Variants in RXRA observed in about 807,000 individuals in gnomAD.
RXRA encodes retinoid X receptor alpha.
Under a neutral mutation model 44.5 loss-of-function variants are expected in RXRA, and 5 were observed. The observed-to-expected ratio is 0.11, with a 90% CI of 0.06 to 0.24. The LOEUF (loss-of-function observed/expected upper bound fraction) is 0.24. Ranked by LOEUF, RXRA falls within the 10% of genes least tolerant of loss-of-function variation. The pLI is 1.00. For synonymous variants in RXRA, 291 were observed against 271.4 expected (o/e 1.07, Z -0.71); for missense variants, 412 against 646.5 (o/e 0.64, Z 3.93).
intron 1 of RXRA, among the ~76,000 whole-genome samples, chr9:134,328,839 C>T (rs1554746316): frequency 6.6e-6 from 1 of 152,278 alleles, no homozygotes; most frequent in South Asian, 2.1e-4. Context: ...TTCCTCCTCC[C>T]AGCATTCACT....
intron 4 of RXRA, among the ~76,000 whole-genome samples, chr9:134,415,679 A>G (rs970191727): frequency 2.0e-5 from 3 of 152,100 alleles, no homozygotes; most frequent in Non-Finnish European, 2.9e-5. Flanking sequence ...CAGGAGGAGA[A>G]GGGGCCTGGG....
At chr9:134,387,994 T>C (rs947949230) in intron 1 of RXRA, among the ~76,000 whole-genome samples, 11 of 152,166 alleles carry the variant, frequency 7.2e-5, no homozygotes, top group African/African-American at 2.7e-4. Flanking sequence ...CGGCAGCTCT[T>C]CCTGGAGGGC....
intron 2 of RXRA, 39 bp downstream of exon 2, chr9:134,401,921 T>G: frequency 1.4e-6 from 2 of 1,462,452 alleles, no homozygotes. Flanking sequence ...GGGTGGGGCC[T>G]GGGGTGGGGC....
intron 1 of RXRA, among the ~76,000 whole-genome samples, chr9:134,359,820 C>G (rs1392936558): frequency 6.6e-6 from 1 of 152,184 alleles, no homozygotes; most frequent in Non-Finnish European, 1.5e-5. Context: ...GCTCTGGGCC[C>G]TGGTCCCAGC....
intron 1 of RXRA, among the ~76,000 whole-genome samples, chr9:134,397,986 A>AT (rs1172000328): frequency 4.2e-4 from 63 of 149,336 alleles, no homozygotes; most frequent in Admixed American, 1.8e-3. Flanking sequence ...TTTATTTTTT[A>AT]TTTTTTTTTT....
At chr9:134,383,674 C>A (rs1830679009) in intron 1 of RXRA, among the ~76,000 whole-genome samples, 1 of 152,180 alleles carries the variant, frequency 6.6e-6, no homozygotes, top group Admixed American at 6.5e-5. Context: ...CAGCTGACCA[C>A]CAGCCACAGC....
Position 134,343,448 on chromosome 9 carries a change from G to A in RXRA, c.28+16789G>A, listed in dbSNP as rs539497894. ...TCCTGCAGCCCCTGGAATAGGGGGC[G>A]CTCAGTGTAGGGCAAAGGAACGTGA... On this transcript the variant is annotated intron_variant, in intron 1 of 9. Coordinates refer to ENST00000481739, the MANE Select transcript of RXRA (RefSeq NM_002957.6). This position sits in a 1 kb window ranked among gnomAD's most constrained non-coding sequence, Gnocchi z 4.1. Among the ~76,000 whole-genome samples, 209 of 152,234 alleles carry A rather than the reference G, an allele frequency of 1.4e-3. 2 individuals are homozygous for A. The highest frequency in any genetic ancestry group is 4.7e-3 in the African/African-American group (194 of 41,522).
At chr9:134,435,702 C>T (rs914676941) in intron 9 of RXRA, among the ~76,000 whole-genome samples, 1 of 152,162 alleles carries the variant, frequency 6.6e-6, no homozygotes, top group Non-Finnish European at 1.5e-5. Flanking sequence ...CCGCCTGATG[C>T]TCTTTGACTT....
intron 1 of RXRA, among the ~76,000 whole-genome samples, chr9:134,333,019 G>C (rs1554746863): frequency 6.6e-6 from 1 of 152,202 alleles, no homozygotes; most frequent in East Asian, 1.9e-4. Context: ...CCTGGCTCCG[G>C]CCCCCCCTGC....
At chr9:134,364,684 AC>A (rs1210429368) in intron 1 of RXRA, among the ~76,000 whole-genome samples, 1 of 151,710 alleles carries the variant, frequency 6.6e-6, no homozygotes, top group Non-Finnish European at 1.5e-5. Flanking sequence ...AGCTCCCCAC[AC>A]CCCCTAAGCT....
At chr9:134,391,779 C>T (rs1359705691) in intron 1 of RXRA, among the ~76,000 whole-genome samples, 1 of 152,168 alleles carries the variant, frequency 6.6e-6, no homozygotes. Context: ...CGAGGGGTGG[C>T]CAAGGGGTGG....
At chr9:134,359,660 C>T (rs1350307244) in intron 1 of RXRA, among the ~76,000 whole-genome samples, 14 of 152,204 alleles carry the variant, frequency 9.2e-5, no homozygotes, top group Admixed American at 5.9e-4. Flanking sequence ...TCCCTCCCTC[C>T]CTCTGCTGGA....
intron 1 of RXRA, among the ~76,000 whole-genome samples, chr9:134,378,909 A>C (rs921632430): frequency 9.9e-5 from 15 of 152,176 alleles, no homozygotes; most frequent in Non-Finnish European, 2.9e-5. Context: ...TGTTTCCTCA[A>C]GTCAGATTGT....
chr9:134,330,245 G>A (rs1016470622), intron 1 of RXRA, among the ~76,000 whole-genome samples: 1 of 152,358 alleles, frequency 6.6e-6, no homozygotes, highest in South Asian at 2.1e-4. Flanking sequence ...GGCTTTGCAA[G>A]CCAAGACCTG....
At chr9:134,412,739 G>A (rs551806587) in intron 4 of RXRA, among the ~76,000 whole-genome samples, 6 of 152,302 alleles carry the variant, frequency 3.9e-5, no homozygotes, top group South Asian at 4.1e-4. Flanking sequence ...GCAGGGACAC[G>A]TGCTCTGATG....
intron 4 of RXRA, among the ~76,000 whole-genome samples, chr9:134,411,415 C>G (rs1831146801): frequency 6.6e-6 from 1 of 152,184 alleles, no homozygotes; most frequent in Admixed American, 6.5e-5. Flanking sequence ...GGGGGACCAC[C>G]CTGGACACCC....
At chr9:134,398,243 G>A (rs1830908408) in intron 1 of RXRA, among the ~76,000 whole-genome samples, 1 of 152,198 alleles carries the variant, frequency 6.6e-6, no homozygotes, top group Non-Finnish European at 1.5e-5. Flanking sequence ...GCCTCCCAAA[G>A]TTGTGGGATT....
intron 1 of RXRA, among the ~76,000 whole-genome samples, chr9:134,400,637 C>T (rs754349610): frequency 6.6e-6 from 1 of 152,220 alleles, no homozygotes; most frequent in East Asian, 1.9e-4. Context: ...GCAGTGGATT[C>T]GCCACCTGGG....
intron 2 of RXRA, 145 bp from the exon 3 acceptor site, chr9:134,408,004 C>T (rs565048188): frequency 3.8e-4 from 217 of 577,552 alleles, no homozygotes; most frequent in African/African-American, 3.2e-3. Flanking sequence ...AGCAGCGTGG[C>T]GGGTGGGGGG....
Sources: gnomAD v4.1 joint callset for allele counts (sites outside exome capture counted in the v4.1 genomes callset) on GRCh38, gnomAD v4.1.1 for gene constraint, Gnocchi (gnomAD v3.1) non-coding constraint, MANE v1.5 for transcripts, NCBI Gene and HGNC (gene_info 2026-07-23, HGNC 2026-07-21) for gene names.